Variants in CSMD2 observed in about 807,000 individuals in gnomAD.
CSMD2 encodes the protein CUB and sushi domain-containing protein 2.
CSMD2 carries 130 observed loss-of-function variants against 398.5 expected under a neutral mutation model. The observed-to-expected ratio is 0.33, with a 90% confidence interval of 0.28 to 0.38. The LOEUF (loss-of-function observed/expected upper bound fraction) is 0.38, where lower values mean the gene tolerates loss of function less well. CSMD2 is among the 10% of genes least tolerant of loss of function. The pLI is 1.00. For missense variants in CSMD2, 3,829 were observed against 4,764.9 expected (o/e 0.80, Z 5.78); for synonymous variants, 1,828 against 1,908.5 (o/e 0.96, Z 1.10).
chr1:33,566,435 G>A (rs1349564036), intron 53 of CSMD2, among the ~76,000 whole-genome samples: 1 of 152,102 alleles, frequency 6.6e-6, no homozygotes, highest in Non-Finnish European at 1.5e-5. Context: ...TGGGGGAAAT[G>A]GGAGACGGCA....
At chr1:33,674,156 C>G (rs1313234741) in intron 25 of CSMD2, among the ~76,000 whole-genome samples, 1 of 151,958 alleles carries the variant, frequency 6.6e-6, no homozygotes, top group African/African-American at 2.4e-5. Flanking sequence ...TTAAAAGACA[C>G]AGACTGGCAA....
intron 1 of CSMD2, among the ~76,000 whole-genome samples, chr1:34,109,230 C>T (rs572005587): frequency 6.6e-6 from 1 of 152,230 alleles, no homozygotes; most frequent in Non-Finnish European, 1.5e-5. Context: ...AGACGTGTTG[C>T]TCATTTTACA....
chr1:33,903,401 G>A (rs1361908920), intron 5 of CSMD2, among the ~76,000 whole-genome samples: 1 of 151,364 alleles, frequency 6.6e-6, no homozygotes, highest in Non-Finnish European at 1.5e-5. Flanking sequence ...GCACTGATCA[G>A]CCCGCTCTGG....
chr1:34,063,900 A>G (rs756753254), intron 2 of CSMD2, among the ~76,000 whole-genome samples: 2 of 152,246 alleles, frequency 1.3e-5, no homozygotes, highest in Non-Finnish European at 2.9e-5. Flanking sequence ...ACCAAACCTC[A>G]ATTCTTGACT....
intron 1 of CSMD2, among the ~76,000 whole-genome samples, chr1:34,112,699 G>A (rs900509576): frequency 6.6e-6 from 1 of 152,186 alleles, no homozygotes; most frequent in Admixed American, 6.5e-5. Context: ...AATCTATAAA[G>A]AGTAAAATCT....
intron 5 of CSMD2, among the ~76,000 whole-genome samples, chr1:33,914,698 G>A (rs1187957758): frequency 6.6e-6 from 1 of 152,180 alleles, no homozygotes; most frequent in Non-Finnish European, 1.5e-5. Context: ...GCAAAACAGG[G>A]AGAACTGGCC....
rs181271788 is a variant in CSMD2 at position 33,925,449 on chromosome 1, T to A, written c.713-7148A>T. ...CCATCCTGTTTTGGTTATTATAGCC[T>A]TGTAATATATTTTGAAGCCAGGTAG... On this transcript the variant is annotated intron_variant, in intron 4 of 70. Coordinates refer to ENST00000373381, the MANE Select transcript of CSMD2 (RefSeq NM_001281956.2). Among the ~76,000 whole-genome samples, 13 of 152,338 alleles carry A rather than the reference T, an allele frequency of 8.5e-5. 1 individual carries two copies.
chr1:34,150,075 C>CT (rs201785327), intron 1 of CSMD2, among the ~76,000 whole-genome samples: 2,172 of 119,460 alleles, frequency 0.018, 129 homozygotes, highest in East Asian at 0.061. Context: ...CATTTTTCTT[C>CT]TTTCTTTTTT....
chr1:33,584,498 C>T (rs1177998297), intron 46 of CSMD2, among the ~76,000 whole-genome samples: 2 of 151,990 alleles, frequency 1.3e-5, no homozygotes, highest in Non-Finnish European at 2.9e-5. Flanking sequence ...GGTGAAGCCC[C>T]ATTTCTACTA....
chr1:33,631,295 A>AT (rs1454166365), intron 32 of CSMD2, among the ~76,000 whole-genome samples: 4 of 152,156 alleles, frequency 2.6e-5, no homozygotes, highest in Admixed American at 6.5e-5. Flanking sequence ...TATGAAATGG[A>AT]TTTTTTACTA....
intron 5 of CSMD2, among the ~76,000 whole-genome samples, chr1:33,911,914 T>C (rs1034697247): frequency 3.3e-5 from 5 of 152,196 alleles, no homozygotes; most frequent in Admixed American, 1.3e-4. Context: ...GTCCCAGGGA[T>C]CAAGGAACTC....
At chr1:34,038,313 G>T (rs1651404802) in intron 2 of CSMD2, among the ~76,000 whole-genome samples, 1 of 152,202 alleles carries the variant, frequency 6.6e-6, no homozygotes, top group Non-Finnish European at 1.5e-5. Flanking sequence ...GCAGTAAAAT[G>T]ATGGCAAGGC....
intron 3 of CSMD2, among the ~76,000 whole-genome samples, chr1:33,936,188 A>G (rs1379318286): frequency 6.6e-6 from 1 of 152,236 alleles, no homozygotes; most frequent in East Asian, 1.9e-4. Flanking sequence ...ATGAGTTTAC[A>G]ACTGGATGTC....
At position 34,092,939 on chromosome 1, in the gene CSMD2, T is replaced by C. The variant is rs529610563; in HGVS notation, c.188-3746A>G. Among the ~76,000 whole-genome samples, 992 of 152,154 alleles carry C rather than the reference T, an allele frequency of 6.5e-3. 3 individuals are homozygous for C. The highest frequency in any genetic ancestry group is 0.011 in the South Asian group (54 of 4,816). Reference sequence around the variant, plus strand: ...AGGAGGCCTGCCTGCCTCTGTAGGCTCCACCTCTGGGGGCAGGGCACAGAC... The same window carrying C: ...AGGAGGCCTGCCTGCCTCTGTAGGCCCCACCTCTGGGGGCAGGGCACAGAC... On this transcript the variant is annotated intron_variant, in intron 1 of 70. Coordinates refer to ENST00000373381, the MANE Select transcript of CSMD2 (RefSeq NM_001281956.2).
In CSMD2 at chr1:33,541,304, T is replaced by G; in HGVS notation, c.9283A>C (p.Asn3095His). 1.2e-6 allele frequency: 2 copies of G among 1,613,732 alleles called. No individual in the cohort carries two copies. The highest frequency in any genetic ancestry group is 8.5e-7 in the Non-Finnish European group (1 of 1,179,724). ...TGSDPECLVI[N>H]CGDPGIPANG... ...GCTGGAATCCCAGGGTCACCACAGTTTATGACTAGGATAAGAGAGATATAG... is the reference window on the plus strand; with the variant it reads ...GCTGGAATCCCAGGGTCACCACAGTGTATGACTAGGATAAGAGAGATATAG... The change falls in exon 59 of 71, where the codon AAC becomes CAC. Residue 3095 changes from asparagine (N) to histidine (H), a missense_variant. Asn to His is a moderately conservative substitution (Grantham distance 68). This residue lies in a region of CSMD2 where 917 missense variants were observed against 1,199.5 expected (regional missense o/e 0.76). Transcript: ENST00000373381.
At chr1:34,006,379 C>T (rs566577916) in intron 3 of CSMD2, among the ~76,000 whole-genome samples, 147 of 152,218 alleles carry the variant, frequency 9.7e-4, no homozygotes, top group Non-Finnish European at 1.6e-3. Context: ...AACCTAGAGC[C>T]GCCAATAGAT....
intron 1 of CSMD2, among the ~76,000 whole-genome samples, chr1:34,146,751 A>C (rs1639798812): frequency 6.6e-6 from 1 of 152,188 alleles, no homozygotes; most frequent in Non-Finnish European, 1.5e-5. Context: ...AGATGCATGA[A>C]GCAATTCATA....
At chr1:33,558,585 A>G (rs940945643) in intron 54 of CSMD2, among the ~76,000 whole-genome samples, 1 of 152,206 alleles carries the variant, frequency 6.6e-6, no homozygotes, top group Non-Finnish European at 1.5e-5. Flanking sequence ...AGTGGGCAGG[A>G]AGGTATTTTT....
intron 1 of CSMD2, among the ~76,000 whole-genome samples, chr1:34,151,749 T>C (rs1640340164): frequency 6.6e-6 from 1 of 151,992 alleles, no homozygotes; most frequent in African/African-American, 2.4e-5. Context: ...GTAGGTAGAC[T>C]TTCTATTTTT....
Sources: allele counts gnomAD v4.1 joint callset (sites outside exome capture counted in the v4.1 genomes callset), GRCh38; gene constraint gnomAD v4.1.1; regional missense constraint gnomAD v4.1.1; transcripts MANE v1.5; gene names NCBI Gene and HGNC (gene_info 2026-07-23, HGNC 2026-07-21).